The following AGBL1 variants were observed in gnomAD, a reference collection of about 807,000 sequenced individuals.
AGBL1 encodes cytosolic carboxypeptidase 4.
A neutral mutation model predicts 118.9 loss-of-function variants in AGBL1; 130 were observed. The observed-to-expected ratio is 1.09, with a 90% CI of 0.95 to 1.26. The LOEUF (loss-of-function observed/expected upper bound fraction) is 1.26. Ranked by LOEUF, AGBL1 falls within the 50% of genes most tolerant of loss-of-function variation. AGBL1 has a pLI of 0.00. For missense variants in AGBL1, 1,584 were observed against 1,298.1 expected (o/e 1.22, Z -3.38); for synonymous variants, 555 against 478.9 (o/e 1.16, Z -2.08).
At chr15:86,651,019 G>A (rs1269498454) in intron 21 of AGBL1, among the ~76,000 whole-genome samples, 2 of 152,142 alleles carry the variant, frequency 1.3e-5, no homozygotes, top group African/African-American at 4.8e-5. Context: ...ATCTGAGAAG[G>A]AAATTCTGAT....
At chr15:86,417,130 G>A (rs2081706791) in intron 18 of AGBL1, among the ~76,000 whole-genome samples, 1 of 152,148 alleles carries the variant, frequency 6.6e-6, no homozygotes. Context: ...CTGTGCTCTA[G>A]CATGTCTGTA....
Position 86,836,351 on chromosome 15 carries a change from C to T in AGBL1, c.3159-70736C>T, listed in dbSNP as rs1056747896. 3.9e-4 allele frequency among the ~76,000 whole-genome samples: 60 copies of T among 152,278 alleles called. 1 individual carries two copies. The highest frequency in any genetic ancestry group is 1.2e-3 in the African/African-American group (51 of 41,564). ...AACAAAGAACCAGCTCTCAGATCTT[C>T]GTCCTTTCAGTAGAAGCAATTTTTT... is the stretch of plus-strand genomic sequence containing the variant. On this transcript the variant is annotated intron_variant, in intron 22 of 22. Coordinates refer to ENST00000614907, the MANE Select transcript of AGBL1 (RefSeq NM_001386094.1).
chr15:86,682,027 C>T (rs1296873140), intron 22 of AGBL1, among the ~76,000 whole-genome samples: 1 of 152,126 alleles, frequency 6.6e-6, no homozygotes, highest in Non-Finnish European at 1.5e-5. Flanking sequence ...CAAATTAATG[C>T]TACGTGACTA....
intron 21 of AGBL1, among the ~76,000 whole-genome samples, chr15:86,555,474 T>C (rs1227200355): frequency 6.6e-6 from 1 of 152,240 alleles, no homozygotes; most frequent in Non-Finnish European, 1.5e-5. Flanking sequence ...ACTTCTCATG[T>C]AGTCGAAGAT....
At chr15:87,008,819 T>C (rs1182168581) in intron 24 of AGBL1, among the ~76,000 whole-genome samples, 1 of 152,200 alleles carries the variant, frequency 6.6e-6, no homozygotes, top group African/African-American at 2.4e-5. Context: ...GATGGCACTT[T>C]GCCCCTGCCC....
chr15:86,708,990 G>A (rs369573933), intron 22 of AGBL1, among the ~76,000 whole-genome samples: 2 of 152,114 alleles, frequency 1.3e-5, no homozygotes, highest in African/African-American at 4.8e-5. Context: ...TTTTTAAGGT[G>A]TGTTCAAAAT....
intron 9 of AGBL1, among the ~76,000 whole-genome samples, chr15:86,262,459 A>G (rs893665102): frequency 6.6e-6 from 1 of 152,196 alleles, no homozygotes; most frequent in Non-Finnish European, 1.5e-5. Flanking sequence ...TGCTGACGAT[A>G]GTGGCAATGA....
intron 21 of AGBL1, among the ~76,000 whole-genome samples, chr15:86,619,669 C>T (rs1481719271): frequency 4.6e-5 from 7 of 151,992 alleles, no homozygotes; most frequent in Admixed American, 2.6e-4. Flanking sequence ...TGATTCCCAG[C>T]GCCTGGGCCA....
intron 1 of AGBL1, among the ~76,000 whole-genome samples, chr15:86,087,007 A>C (rs935075331): frequency 6.6e-6 from 1 of 152,184 alleles, no homozygotes. Flanking sequence ...GCTAGGGTGC[A>C]CCTATGTTCA....
intron 22 of AGBL1, among the ~76,000 whole-genome samples, chr15:86,899,476 C>A (rs1381838923): frequency 1.3e-5 from 2 of 152,034 alleles, no homozygotes; most frequent in Non-Finnish European, 2.9e-5. Context: ...TACAACGAAC[C>A]CCCATGACAC....
intron 18 of AGBL1, among the ~76,000 whole-genome samples, chr15:86,466,408 G>A (rs1276966413): frequency 6.6e-6 from 1 of 152,108 alleles, no homozygotes; most frequent in Non-Finnish European, 1.5e-5. Flanking sequence ...TTTTATCAAG[G>A]TTCTTAGCTT....
chr15:86,991,371 C>G (rs1036961644), intron 24 of AGBL1, among the ~76,000 whole-genome samples: 16 of 152,102 alleles, frequency 1.1e-4, no homozygotes, highest in African/African-American at 3.4e-4. Context: ...CACGTTTGCC[C>G]ATTTCCATCG....
At chr15:86,726,652 C>G (rs551695502) in intron 22 of AGBL1, among the ~76,000 whole-genome samples, 1 of 152,282 alleles carries the variant, frequency 6.6e-6, no homozygotes, top group African/African-American at 2.4e-5. Context: ...GCCTCAACCT[C>G]CTGGGCTCAA....
intron 24 of AGBL1, among the ~76,000 whole-genome samples, chr15:87,010,174 A>G (rs1269271439): frequency 6.6e-6 from 1 of 152,126 alleles, no homozygotes; most frequent in Non-Finnish European, 1.5e-5. Flanking sequence ...CCAGTGGGAG[A>G]CAATTGAATC....
chr15:86,925,648 T>C (rs2080528112), intron 23 of AGBL1, among the ~76,000 whole-genome samples: 1 of 152,178 alleles, frequency 6.6e-6, no homozygotes, highest in Non-Finnish European at 1.5e-5. Context: ...GCTGACAGGC[T>C]TCCTCTCATT....
At chr15:86,373,931 G>C (rs374955780) in intron 17 of AGBL1, among the ~76,000 whole-genome samples, 1 of 152,174 alleles carries the variant, frequency 6.6e-6, no homozygotes, top group Admixed American at 6.5e-5. Flanking sequence ...TTGCTGTATA[G>C]TAGCTATTAC....
Position 86,829,292 on chromosome 15 carries a change from A to G in AGBL1, c.3159-77795A>G, listed in dbSNP as rs201096598. Among the ~76,000 whole-genome samples the G allele has an allele frequency of 1.6e-4, 24 of 152,296 alleles. No homozygotes were observed. The East Asian group carries it at 4.6e-3, about 29-fold the overall frequency. ...TTAGAAGAAACATATGCCACATATG[A>G]GAATACTGCTCCAACTTGGAAAACC... On this transcript the variant is annotated intron_variant, in intron 22 of 22. Coordinates refer to ENST00000614907, the MANE Select transcript of AGBL1 (RefSeq NM_001386094.1).
chr15:86,282,976 T>A (rs1170105084), intron 16 of AGBL1, among the ~76,000 whole-genome samples: 1 of 152,196 alleles, frequency 6.6e-6, no homozygotes, highest in Non-Finnish European at 1.5e-5. Context: ...TATTCTCTTA[T>A]AATAAGGAAA....
chr15:86,263,237 A>G (rs1170278968), intron 10 of AGBL1, among the ~76,000 whole-genome samples: 2 of 152,134 alleles, frequency 1.3e-5, no homozygotes, highest in Admixed American at 6.5e-5. Context: ...GCACCTTTTT[A>G]TGTTTAGACA....
Sources: gnomAD v4.1 joint callset for allele counts (sites outside exome capture counted in the v4.1 genomes callset) on GRCh38, gnomAD v4.1.1 for gene constraint, MANE v1.5 for transcripts, NCBI Gene and HGNC (gene_info 2026-07-23, HGNC 2026-07-21) for gene names.